Variants in PRKCE observed in about 807,000 individuals in gnomAD.
PRKCE encodes protein kinase C epsilon, also known as protein kinase C epsilon type.
PRKCE carries 16 observed loss-of-function variants against 85.4 expected under a neutral mutation model. The ratio of observed to expected loss-of-function variants is 0.19; its 90% CI spans 0.13 to 0.28. The LOEUF (loss-of-function observed/expected upper bound fraction) is 0.28, where lower values mean the gene tolerates loss of function less well. Among genes scored for constraint, PRKCE ranks in the 10% least tolerant of loss-of-function variants. The pLI, the probability that PRKCE is intolerant of heterozygous loss-of-function variation, is 1.00. For synonymous variants in PRKCE, 388 were observed against 371.5 expected (o/e 1.04, Z -0.51); for missense variants, 573 against 975.2 (o/e 0.59, Z 5.49).
In PRKCE at chr2:45,682,028, T is replaced by C. The variant is rs374895771; in HGVS notation, c.348+29580T>C. Among the ~76,000 whole-genome samples, 10 of 152,332 alleles carry C rather than the reference T, an allele frequency of 6.6e-5. No homozygotes were observed. In the East Asian group the frequency reaches 1.9e-3, roughly 29 times the overall value. On this transcript the variant is annotated intron_variant, in intron 1 of 14. Transcript: ENST00000306156. The stretch of plus-strand genomic sequence containing the variant: ...TGCTCTTTATGGGCAGTAAACTTGG[T>C]TTTTATTTTAATTATGAAATGGTAG...
intron 2 of PRKCE, among the ~76,000 whole-genome samples, chr2:45,854,796 T>C (rs984600145): frequency 6.6e-6 from 1 of 152,188 alleles, no homozygotes; most frequent in Non-Finnish European, 1.5e-5. Context: ...TGAGACCTGG[T>C]AGGTGTCTTA....
chr2:46,181,938 T>C (rs938436472), intron 14 of PRKCE, among the ~76,000 whole-genome samples: 2 of 152,184 alleles, frequency 1.3e-5, no homozygotes, highest in Non-Finnish European at 2.9e-5. Flanking sequence ...CTACACGCCT[T>C]GTACAGCCAG....
At chr2:45,746,038 A>T (rs1180751170) in intron 1 of PRKCE, among the ~76,000 whole-genome samples, 1 of 152,230 alleles carries the variant, frequency 6.6e-6, no homozygotes, top group Non-Finnish European at 1.5e-5. Context: ...GAAATCAGAC[A>T]GTGGAACTGA....
At chr2:46,064,369 A>G (rs1453516992) in intron 10 of PRKCE, among the ~76,000 whole-genome samples, 1 of 151,984 alleles carries the variant, frequency 6.6e-6, no homozygotes, top group African/African-American at 2.4e-5. Flanking sequence ...AAAGTTCTCT[A>G]TTTGCAAATG....
intron 11 of PRKCE, among the ~76,000 whole-genome samples, chr2:46,135,647 A>G (rs1190250515): frequency 1.3e-5 from 2 of 150,276 alleles, no homozygotes; most frequent in Non-Finnish European, 3.0e-5. Context: ...TTTTCCCTGG[A>G]GATTGGCCCA....
intron 2 of PRKCE, among the ~76,000 whole-genome samples, chr2:45,961,753 T>C (rs1701395464): frequency 6.6e-6 from 1 of 151,986 alleles, no homozygotes; most frequent in Non-Finnish European, 1.5e-5. Flanking sequence ...TGGAGTGCAA[T>C]GGTGTGATCT....
chr2:46,096,748 A>C (rs1670721124), intron 11 of PRKCE, among the ~76,000 whole-genome samples: 1 of 152,186 alleles, frequency 6.6e-6, no homozygotes, highest in African/African-American at 2.4e-5. Context: ...AGTTCTAGCA[A>C]ACTAATACTG....
chr2:46,074,215 T>C (rs965119855), intron 10 of PRKCE, among the ~76,000 whole-genome samples: 1 of 152,104 alleles, frequency 6.6e-6, no homozygotes, highest in Admixed American at 6.5e-5. Flanking sequence ...AAAGAATCAT[T>C]GTGTCTTGAC....
intron 1 of PRKCE, among the ~76,000 whole-genome samples, chr2:45,797,746 C>G (rs1213129866): frequency 6.6e-6 from 1 of 152,156 alleles, no homozygotes; most frequent in Non-Finnish European, 1.5e-5. Flanking sequence ...TGTTTTCTTC[C>G]CAGCCCCATC....
chr2:45,703,264 G>C (rs1678825570), intron 1 of PRKCE, among the ~76,000 whole-genome samples: 1 of 151,994 alleles, frequency 6.6e-6, no homozygotes, highest in South Asian at 2.1e-4. Context: ...GCTGGGTGTG[G>C]TGGCTCACAT....
At chr2:45,794,714 C>A (rs1447752221) in intron 1 of PRKCE, among the ~76,000 whole-genome samples, 1 of 152,158 alleles carries the variant, frequency 6.6e-6, no homozygotes, top group Non-Finnish European at 1.5e-5. Context: ...TCTTCCTCTC[C>A]CACTCCCAAG....
At chr2:46,032,261 G>A (rs1707576055) in intron 10 of PRKCE, among the ~76,000 whole-genome samples, 1 of 151,528 alleles carries the variant, frequency 6.6e-6, no homozygotes, top group South Asian at 2.1e-4. Context: ...GAGGAAATAG[G>A]CACAAACGAT....
At position 45,652,068 on chromosome 2, in the gene PRKCE, G is replaced by A; in HGVS notation, c.-33G>A. 1 of 1,483,670 alleles carries A rather than the reference G, an allele frequency of 6.7e-7. No individual in the cohort carries two copies. The highest frequency in any genetic ancestry group is 2.3e-5 in the East Asian group (1 of 43,748). 91.9% of individuals were successfully genotyped at this position (1,483,670 alleles called of 1,614,324 possible). On this transcript the variant is annotated 5_prime_UTR_variant, in exon 1 of 15. Transcript: ENST00000306156. This position sits in a 1 kb window ranked among gnomAD's most constrained non-coding sequence, Gnocchi z 7.7. Reference sequence around the variant, plus strand: ...TTCATTCCTGCCCTCGGGGCAGACGGAGTGACCCCGGCCCCCACTCCCCGC... The same window carrying A: ...TTCATTCCTGCCCTCGGGGCAGACGAAGTGACCCCGGCCCCCACTCCCCGC...
Position 46,184,888 on chromosome 2 carries a change from A to C in PRKCE, c.*7A>C. 2 of 1,599,696 alleles carry C rather than the reference A, an allele frequency of 1.3e-6. No individual in the cohort carries two copies. Among genetic ancestry groups the C allele is most frequent in the African/African-American group, 2.7e-5 (2 of 75,054 alleles). On this transcript the variant is annotated 3_prime_UTR_variant, in exon 15 of 15. Coordinates refer to ENST00000306156, the MANE Select transcript of PRKCE (RefSeq NM_005400.3). The surrounding 1 kb of genome is among the most constrained non-coding windows in gnomAD (Gnocchi z 5.0). ...TGAAGACCTGATGCCCTGAGAGCCC[A>C]CTGCAGTTGGACTTTGCCGATGCTG...
chr2:45,904,693 C>T (rs7583262), intron 2 of PRKCE, among the ~76,000 whole-genome samples: 1,881 of 152,288 alleles, frequency 0.012, 39 homozygotes, highest in African/African-American at 0.042. Context: ...AAGAATCAAA[C>T]TAATCCCTTT....
intron 2 of PRKCE, among the ~76,000 whole-genome samples, chr2:45,877,592 C>T (rs1194121527): frequency 1.3e-5 from 2 of 152,212 alleles, no homozygotes; most frequent in East Asian, 1.9e-4. Context: ...ATTTGGTTCT[C>T]TATAAAATAT....
chr2:45,827,451 A>G (rs1285169991), intron 1 of PRKCE, among the ~76,000 whole-genome samples: 1 of 152,160 alleles, frequency 6.6e-6, no homozygotes. Flanking sequence ...GGGCTTGAGC[A>G]TATGTGAGTC....
chr2:46,163,090 A>C (rs927021824), intron 14 of PRKCE, among the ~76,000 whole-genome samples: 36 of 152,244 alleles, frequency 2.4e-4, no homozygotes, highest in Admixed American at 1.8e-3. Flanking sequence ...TAACCAACTC[A>C]GGGTTGACCC....
At chr2:45,954,831 A>G (rs1442917155) in intron 2 of PRKCE, among the ~76,000 whole-genome samples, 1 of 152,236 alleles carries the variant, frequency 6.6e-6, no homozygotes, top group Non-Finnish European at 1.5e-5. Context: ...TTAATCATGT[A>G]TGCAAGAAAA....
Sources: gnomAD v4.1 joint callset for allele counts (sites outside exome capture counted in the v4.1 genomes callset) on GRCh38, gnomAD v4.1.1 for gene constraint, Gnocchi (gnomAD v3.1) non-coding constraint, MANE v1.5 for transcripts, NCBI Gene and HGNC (gene_info 2026-07-23, HGNC 2026-07-21) for gene names.